ZDHHC20: variants seen among roughly 807,000 people sequenced by gnomAD.
ZDHHC20 encodes the protein palmitoyltransferase ZDHHC20.
ZDHHC20 carries 43 observed loss-of-function variants against 57.8 expected under a neutral mutation model. That is an observed-to-expected ratio of 0.74 (90% CI 0.58 to 0.96). The LOEUF (loss-of-function observed/expected upper bound fraction) is 0.96. Ranked by LOEUF, ZDHHC20 falls within the 40% of genes least tolerant of loss-of-function variation. The probability of loss-of-function intolerance (pLI) is 0.00; values close to 1 mark genes in which losing one functional copy is unlikely to be tolerated. For synonymous variants in ZDHHC20, 157 were observed against 153.0 expected, an observed-to-expected ratio of 1.03 and a Z score of -0.19; for missense variants, 391 against 441.1, an observed-to-expected ratio of 0.89 and a Z score of 1.02.
chr13:21,442,528 G>A lies in ZDHHC20; in HGVS notation c.118+16526C>T, dbSNP rs866222427. ...CCAGCACTTTGGGAGGCCAAGGCGG[G>A]TGGATCACTTGGGGTCAGGAGTTCA... On this transcript the variant is annotated intron_variant, in intron 1 of 12. Coordinates refer to ENST00000400590, the MANE Select transcript of ZDHHC20 (RefSeq NM_001330059.2). Among the ~76,000 whole-genome samples the A allele has an allele frequency of 3.9e-5, 6 of 152,332 alleles. No homozygotes were observed. In the East Asian group the frequency reaches 7.7e-4, roughly 20 times the overall value.
chr13:21,394,482 G>C (rs990916124), intron 7 of ZDHHC20, among the ~76,000 whole-genome samples: 1 of 152,142 alleles, frequency 6.6e-6, no homozygotes, highest in Non-Finnish European at 1.5e-5. Context: ...TACAAAGAGA[G>C]AACTCTGCCC....
At chr13:21,428,922 A>T (rs985116463) in intron 1 of ZDHHC20, among the ~76,000 whole-genome samples, 1 of 152,184 alleles carries the variant, frequency 6.6e-6, no homozygotes, top group Non-Finnish European at 1.5e-5. Flanking sequence ...AACAACAACA[A>T]AAATTATTAG....
intron 1 of ZDHHC20, among the ~76,000 whole-genome samples, chr13:21,438,601 G>T (rs1165482913): frequency 6.6e-6 from 1 of 152,156 alleles, no homozygotes; most frequent in Non-Finnish European, 1.5e-5. Context: ...ATCTATACCT[G>T]GTGAAGATAC....
chr13:21,434,111 T>C (rs1179148816), intron 1 of ZDHHC20, among the ~76,000 whole-genome samples: 1 of 152,174 alleles, frequency 6.6e-6, no homozygotes, highest in Non-Finnish European at 1.5e-5. Context: ...TGTGTCTGTG[T>C]GTCTGTGTGT....
intron 1 of ZDHHC20, among the ~76,000 whole-genome samples, chr13:21,435,535 G>C (rs116889645): frequency 6.6e-6 from 1 of 152,148 alleles, no homozygotes; most frequent in Non-Finnish European, 1.5e-5. Context: ...AATAAAATAC[G>C]TGTTAGATTA....
At chr13:21,382,677 A>C (rs1038320106) in intron 10 of ZDHHC20, among the ~76,000 whole-genome samples, 1 of 152,238 alleles carries the variant, frequency 6.6e-6, no homozygotes, top group African/African-American at 2.4e-5. Flanking sequence ...ATCCTGGTTT[A>C]ACTATTAATA....
At position 21,438,402 on chromosome 13, in the gene ZDHHC20, G is replaced by T. The variant is rs892248542; in HGVS notation, c.119-12724C>A. On this transcript the variant is annotated intron_variant, in intron 1 of 12. Coordinates refer to ENST00000400590, the MANE Select transcript of ZDHHC20 (RefSeq NM_001330059.2). The stretch of plus-strand genomic sequence containing the variant: ...AAGCTGATTCCAGTCCAAGATCATG[G>T]ATGACACTAAACAGTTCAAGACTTC... Among the ~76,000 whole-genome samples, 5 of 152,188 alleles carry T rather than the reference G, an allele frequency of 3.3e-5. No homozygotes were observed. The South Asian group carries it at 1.0e-3, about 32-fold the overall frequency.
chr13:21,447,569 C>G (rs1883879394), intron 1 of ZDHHC20, among the ~76,000 whole-genome samples: 1 of 146,730 alleles, frequency 6.8e-6, no homozygotes, highest in Non-Finnish European at 1.5e-5. Flanking sequence ...CAGAGGGAGT[C>G]TCGTTCACTC....
chr13:21,420,971 A>G (rs1384936912), intron 3 of ZDHHC20, 90 bp downstream of exon 3: 1 of 971,946 alleles, frequency 1.0e-6, no homozygotes, highest in African/African-American at 1.6e-5. Flanking sequence ...GAACACATGC[A>G]TTATGTAAAG....
At chr13:21,431,718 T>C (rs1881979122) in intron 1 of ZDHHC20, among the ~76,000 whole-genome samples, 1 of 152,232 alleles carries the variant, frequency 6.6e-6, no homozygotes, top group Non-Finnish European at 1.5e-5. Context: ...CTTTTGTGTT[T>C]TTCTAATAAC....
At chr13:21,408,344 T>TA (rs1379981923) in intron 4 of ZDHHC20, among the ~76,000 whole-genome samples, 1 of 152,244 alleles carries the variant, frequency 6.6e-6, no homozygotes, top group African/African-American at 2.4e-5. Flanking sequence ...ACATCCCTTG[T>TA]AAGCTTATTC....
chr13:21,450,494 A>G (rs1884339926), intron 1 of ZDHHC20, among the ~76,000 whole-genome samples: 2 of 152,162 alleles, frequency 1.3e-5, no homozygotes, highest in Admixed American at 1.3e-4. Context: ...TTAAATATAT[A>G]TATTTACAGA....
chr13:21,397,032 T>C (rs1876901440), intron 7 of ZDHHC20, among the ~76,000 whole-genome samples: 1 of 152,152 alleles, frequency 6.6e-6, no homozygotes, highest in South Asian at 2.1e-4. Flanking sequence ...TTATAAAAAG[T>C]TCTTTATTTT....
intron 1 of ZDHHC20, among the ~76,000 whole-genome samples, chr13:21,447,093 A>C (rs1026973670): frequency 6.6e-6 from 1 of 151,962 alleles, no homozygotes; most frequent in African/African-American, 2.4e-5. Flanking sequence ...GGGGTGGAGC[A>C]CAGGAAGAGA....
At chr13:21,418,682 G>C (rs539368103) in intron 3 of ZDHHC20, among the ~76,000 whole-genome samples, 1 of 149,132 alleles carries the variant, frequency 6.7e-6, no homozygotes, top group East Asian at 1.9e-4. Context: ...TGTTGTTGTT[G>C]CTGTTGTCTG....
intron 9 of ZDHHC20, among the ~76,000 whole-genome samples, chr13:21,385,770 A>C (rs974097974): frequency 2.0e-5 from 3 of 152,234 alleles, no homozygotes; most frequent in African/African-American, 7.2e-5. Flanking sequence ...GAGAAGCCTA[A>C]TGAACCCCAG....
intron 3 of ZDHHC20, among the ~76,000 whole-genome samples, chr13:21,414,309 T>C (rs947018679): frequency 1.3e-5 from 2 of 151,624 alleles, no homozygotes; most frequent in African/African-American, 4.8e-5. Context: ...TATGAAAGAT[T>C]GTCAAGGCAA....
chr13:21,442,329 C>A (rs1451818618), intron 1 of ZDHHC20, among the ~76,000 whole-genome samples: 2 of 152,218 alleles, frequency 1.3e-5, no homozygotes, highest in Non-Finnish European at 2.9e-5. Context: ...TCAATCACAT[C>A]TGTTCACCTT....
intron 7 of ZDHHC20, among the ~76,000 whole-genome samples, chr13:21,397,437 G>C (rs1268180666): frequency 1.3e-5 from 2 of 152,050 alleles, no homozygotes; most frequent in African/African-American, 2.4e-5. Context: ...CGAGGTGGGA[G>C]GACTGTTTGA....
Sources: gnomAD v4.1 joint callset for allele counts (sites outside exome capture counted in the v4.1 genomes callset) on GRCh38, gnomAD v4.1.1 for gene constraint, MANE v1.5 for transcripts, NCBI Gene and HGNC (gene_info 2026-07-23, HGNC 2026-07-21) for gene names.